The following BRI3BP variants were observed in gnomAD, a reference collection of about 807,000 sequenced individuals.
BRI3BP encodes the protein BRI3-binding protein.
Under a neutral mutation model 15.8 loss-of-function variants are expected in BRI3BP, and 7 were observed. The ratio of observed to expected loss-of-function variants is 0.44; its 90% CI spans 0.25 to 0.83. The LOEUF is 0.83. Among genes scored for constraint, BRI3BP ranks in the 40% least tolerant of loss-of-function variants. The pLI, the probability that BRI3BP is intolerant of heterozygous loss-of-function variation, is 0.20. For synonymous variants in BRI3BP, 192 were observed against 163.5 expected (o/e 1.17, Z -1.33); for missense variants, 320 against 339.3 (o/e 0.94, Z 0.45).
chr12:125,028,418 G>A lies in BRI3BP; in HGVS notation c.*2988G>A, dbSNP rs1955375894. On this transcript the variant is annotated 3_prime_UTR_variant, in exon 3 of 3. Transcript: ENST00000341446. ...ATCATTTTAACTTGTATTCAACTGA[G>A]GGAGGTAACATGATATCTGGGTGCT... 6.6e-6 allele frequency: 1 copy of A among 152,326 alleles called. No homozygotes were observed. 9.4% of individuals were successfully genotyped at this position (152,326 alleles called of 1,614,324 possible).
chr12:125,019,497 CTT>C (rs1955274985), intron 2 of BRI3BP, among the ~76,000 whole-genome samples: 1 of 152,060 alleles, frequency 6.6e-6, no homozygotes, highest in African/African-American at 2.4e-5. Flanking sequence ...GAGTTCCTCT[CTT>C]CTCCCGTAAC....
chr12:125,000,663 A>G (rs997996292), intron 1 of BRI3BP, among the ~76,000 whole-genome samples: 9 of 152,206 alleles, frequency 5.9e-5, no homozygotes, highest in African/African-American at 2.2e-4. Flanking sequence ...TAAAATGCTG[A>G]AAGAACAGAA....
At chr12:125,007,930 G>A (rs1460848633) in intron 1 of BRI3BP, among the ~76,000 whole-genome samples, 5 of 152,050 alleles carry the variant, frequency 3.3e-5, no homozygotes, top group South Asian at 2.1e-4. Context: ...GTGCAGTGGC[G>A]CTCTGAAGGC....
rs1261476606 is a variant in BRI3BP, at chr12:125,028,756, T to A, written c.*3326T>A. ...CATCTTACCCCAAAATAATTGGGGATTTTTTTGTTCCTTCTCCATTCCATG... is the reference window on the plus strand; with the variant it reads ...CATCTTACCCCAAAATAATTGGGGAATTTTTTGTTCCTTCTCCATTCCATG... On this transcript the variant is annotated 3_prime_UTR_variant, in exon 3 of 3. Coordinates refer to ENST00000341446, the MANE Select transcript of BRI3BP (RefSeq NM_080626.6). The A allele has an allele frequency of 2.0e-5, 3 of 152,208 alleles. No homozygotes were observed. Among genetic ancestry groups the A allele is most frequent in the Non-Finnish European group, 4.4e-5 (3 of 68,032 alleles). The allele number at this position is 152,208 out of a possible 1,614,324, so 9.4% of individuals were successfully genotyped here.
At chr12:125,046,070 C>T in the BRI3BP span, among the ~76,000 whole-genome samples, 3 of 151,690 alleles carry the variant, frequency 2.0e-5, no homozygotes, top group Non-Finnish European at 4.4e-5. Context: ...GAGGCTGAGG[C>T]AGGAGAATCA....
chr12:125,000,529 G>A (rs1439169073), intron 1 of BRI3BP, among the ~76,000 whole-genome samples: 2 of 151,584 alleles, frequency 1.3e-5, no homozygotes, highest in African/African-American at 2.4e-5. Flanking sequence ...TAGCCAGGAT[G>A]GTCTCGATCT....
the BRI3BP span, among the ~76,000 whole-genome samples, chr12:125,047,839 G>A: frequency 6.6e-6 from 1 of 151,888 alleles, no homozygotes; most frequent in Non-Finnish European, 1.5e-5. Context: ...TGGGATTACA[G>A]GCGCATGCCA....
the BRI3BP span, among the ~76,000 whole-genome samples, chr12:125,045,667 C>T: frequency 6.6e-6 from 1 of 152,182 alleles, no homozygotes; most frequent in African/African-American, 2.4e-5. Flanking sequence ...TGCCTCCCCA[C>T]CCTTGTGACC....
At chr12:125,031,574 ATTTTTTTT>A (rs367625363), downstream of BRI3BP, among the ~76,000 whole-genome samples, 35 of 84,198 alleles carry the variant, frequency 4.2e-4, no homozygotes, top group Middle Eastern at 0.012. Context: ...TTTTCTTTCT[ATTTTTTTT>A]TTTTTTTTTT....
At chr12:125,016,836 T>C (rs1300549456) in intron 2 of BRI3BP, among the ~76,000 whole-genome samples, 2 of 115,884 alleles carry the variant, frequency 1.7e-5, no homozygotes, top group Non-Finnish European at 3.6e-5. Context: ...TTTTTTTTTT[T>C]TTTTTTTTTT....
chr12:125,000,165 C>T (rs1367369123), intron 1 of BRI3BP, among the ~76,000 whole-genome samples: 1 of 134,822 alleles, frequency 7.4e-6, no homozygotes, highest in African/African-American at 2.7e-5. Context: ...AGTCCTTTTT[C>T]CCCTACCAAC....
At position 125,018,805 on chromosome 12, in the gene BRI3BP, G is replaced by A. The variant is rs545109545; in HGVS notation, c.316+6169G>A. Among the ~76,000 whole-genome samples, 7 of 151,306 alleles carry A rather than the reference G, an allele frequency of 4.6e-5. 1 individual carries two copies. The East Asian group carries it at 5.9e-4, about 13-fold the overall frequency. On this transcript the variant is annotated intron_variant, in intron 2 of 2. Coordinates refer to ENST00000341446, the MANE Select transcript of BRI3BP (RefSeq NM_080626.6). ...AGCGATTCTAGTACCTCAGCCTCCC[G>A]AGTGGCTGAGATTACAGGCACATGC...
the BRI3BP span, among the ~76,000 whole-genome samples, chr12:125,043,420 A>G: frequency 6.6e-6 from 1 of 152,230 alleles, no homozygotes; most frequent in South Asian, 2.1e-4. Flanking sequence ...GGGGCTTTAA[A>G]CACTTTTTAA....
At position 125,001,196 on chromosome 12, in the gene BRI3BP, G is replaced by A. The variant is rs113570464; in HGVS notation, c.213+7193G>A. Among the ~76,000 whole-genome samples, 81 of 151,706 alleles carry A rather than the reference G, an allele frequency of 5.3e-4. 1 individual carries two copies. Among genetic ancestry groups the A allele is most frequent in the African/African-American group, 1.9e-3 (80 of 41,366 alleles). ...CAGCCTCCCAAATAGCTGGGACCAAGGGTGCCCGCCATCACGCCCGGCTAA... is the reference window on the plus strand; with the variant it reads ...CAGCCTCCCAAATAGCTGGGACCAAAGGTGCCCGCCATCACGCCCGGCTAA... On this transcript the variant is annotated intron_variant, in intron 1 of 2. Coordinates refer to ENST00000341446, the MANE Select transcript of BRI3BP (RefSeq NM_080626.6).
At chr12:125,000,295 A>G (rs1955077743) in intron 1 of BRI3BP, among the ~76,000 whole-genome samples, 1 of 147,148 alleles carries the variant, frequency 6.8e-6, no homozygotes, top group South Asian at 2.1e-4. Context: ...CAGTTAAGAT[A>G]AAGTTTCATA....
chr12:125,049,325 G>C, the BRI3BP span, among the ~76,000 whole-genome samples: 2 of 152,142 alleles, frequency 1.3e-5, no homozygotes, highest in African/African-American at 4.8e-5. Context: ...TACTCAGCTT[G>C]CGAACGTGTT....
At chr12:124,996,136 A>T (rs926296106) in intron 1 of BRI3BP, among the ~76,000 whole-genome samples, 2 of 151,354 alleles carry the variant, frequency 1.3e-5, no homozygotes, top group African/African-American at 4.9e-5. Context: ...CTGGTCTCAA[A>T]CTCCTGACCT....
In BRI3BP at chr12:124,994,014, G is replaced by A; in HGVS notation, c.213+11G>A. ...CGCGCCGCTCAGAAGGTGGGCGCCGGGCCCGCGCCCGCGGTCACCTTGCCC... is the reference window on the plus strand; with the variant it reads ...CGCGCCGCTCAGAAGGTGGGCGCCGAGCCCGCGCCCGCGGTCACCTTGCCC... On this transcript the variant is annotated intron_variant, in intron 1 of 2. Coordinates refer to ENST00000341446, the MANE Select transcript of BRI3BP (RefSeq NM_080626.6). 7 of 1,323,768 alleles carry A rather than the reference G, an allele frequency of 5.3e-6. No homozygotes were observed. Among genetic ancestry groups the A allele is most frequent in the Non-Finnish European group, 6.8e-6 (7 of 1,023,666 alleles). The allele number at this position is 1,323,768 out of a possible 1,614,324, so 82.0% of individuals were successfully genotyped here. A position where few individuals can be genotyped will look rare whatever the true frequency, so the allele number is the denominator to read the frequency against.
intron 1 of BRI3BP, among the ~76,000 whole-genome samples, chr12:124,995,371 C>T (rs922876048): frequency 3.9e-5 from 6 of 152,078 alleles, no homozygotes; most frequent in Admixed American, 1.3e-4. Context: ...GATGCCGTTT[C>T]GGAGCTATTT....
Sources: allele counts gnomAD v4.1 joint callset (sites outside exome capture counted in the v4.1 genomes callset), GRCh38; gene constraint gnomAD v4.1.1; transcripts MANE v1.5; gene names NCBI Gene and HGNC (gene_info 2026-07-23, HGNC 2026-07-21).